RAPGEF5: variants seen among roughly 807,000 people sequenced by gnomAD.
RAPGEF5 encodes the protein Rap guanine nucleotide exchange factor 5, also known as M-Ras-regulated GEF.
RAPGEF5 carries 65 observed loss-of-function variants against 125.2 expected under a neutral mutation model. The observed-to-expected ratio is 0.52, with a 90% CI of 0.43 to 0.64. The LOEUF (loss-of-function observed/expected upper bound fraction) is 0.64, where lower values mean the gene tolerates loss of function less well. RAPGEF5 is among the 30% of genes least tolerant of loss of function. The pLI, the probability that RAPGEF5 is intolerant of heterozygous loss-of-function variation, is 0.00. For missense variants in RAPGEF5, 958 were observed against 1,048.1 expected, an observed-to-expected ratio of 0.91 and a Z score of 1.19; for synonymous variants, 391 against 385.9, an observed-to-expected ratio of 1.01 and a Z score of -0.16.
chr7:22,268,014 G>T (rs554619878), intron 6 of RAPGEF5, among the ~76,000 whole-genome samples: 1 of 152,282 alleles, frequency 6.6e-6, no homozygotes, highest in South Asian at 2.1e-4. Flanking sequence ...GTAGCAATAT[G>T]CTAGACCCTG....
chr7:22,335,827 C>T (rs2128158655), intron 1 of RAPGEF5, among the ~76,000 whole-genome samples: 1 of 152,150 alleles, frequency 6.6e-6, no homozygotes, highest in East Asian at 1.9e-4. Flanking sequence ...ACTTGCACAA[C>T]AGAAACTACT....
At chr7:22,326,441 A>G (rs1478076968) in intron 1 of RAPGEF5, among the ~76,000 whole-genome samples, 2 of 152,226 alleles carry the variant, frequency 1.3e-5, no homozygotes, top group East Asian at 3.9e-4. Flanking sequence ...GAGTTACATA[A>G]TGGCCATCAA....
At chr7:22,263,001 T>C (rs79090113) in intron 7 of RAPGEF5, among the ~76,000 whole-genome samples, 2,598 of 152,282 alleles carry the variant, frequency 0.017, 77 homozygotes, top group African/African-American at 0.059. Context: ...GAAAAAGCTA[T>C]TGATATATCC....
chr7:22,151,827 T>C (rs1184942674), intron 17 of RAPGEF5, among the ~76,000 whole-genome samples: 1 of 152,218 alleles, frequency 6.6e-6, no homozygotes, highest in African/African-American at 2.4e-5. Flanking sequence ...CTGTTTACTT[T>C]GTGTTTCTTA....
chr7:22,266,882 C>T (rs1325620276), intron 7 of RAPGEF5, 82 bp downstream of exon 7: 2 of 1,373,946 alleles, frequency 1.5e-6, no homozygotes, highest in Non-Finnish European at 2.0e-6. Flanking sequence ...CTGAGATACA[C>T]TCAACTGCAC....
At chr7:22,175,407 G>A (rs1000486390) in intron 11 of RAPGEF5, among the ~76,000 whole-genome samples, 5 of 152,164 alleles carry the variant, frequency 3.3e-5, no homozygotes, top group East Asian at 1.9e-4. Flanking sequence ...TCCTCCTAAA[G>A]TTGTAGAGCT....
chr7:22,329,250 A>T (rs889327002), intron 1 of RAPGEF5, among the ~76,000 whole-genome samples: 22 of 152,174 alleles, frequency 1.4e-4, no homozygotes, highest in African/African-American at 5.3e-4. Context: ...AGTAAATCAC[A>T]ACCCTAATTT....
In RAPGEF5 at chr7:22,119,322, T is replaced by G. The variant is rs1782509394; in HGVS notation, c.*3084A>C. 6.6e-6 allele frequency: 1 copy of G among 152,152 alleles called. No homozygotes were observed. Among genetic ancestry groups the G allele is most frequent in the Non-Finnish European group, 1.5e-5 (1 of 68,036 alleles). The allele number at this position is 152,152 out of a possible 1,614,324, so 9.4% of individuals were successfully genotyped here. On this transcript the variant is annotated 3_prime_UTR_variant, in exon 26 of 26. Transcript: ENST00000665637. This position sits in a 1 kb window ranked among gnomAD's most constrained non-coding sequence, Gnocchi z 4.1. The stretch of plus-strand genomic sequence containing the variant: ...ACATGCTTCTAAATTCGGTGTATGC[T>G]CCACACTACCTGTTTGTGGTTCTCG...
chr7:22,317,539 C>T (rs1783628131), intron 2 of RAPGEF5, among the ~76,000 whole-genome samples: 1 of 151,892 alleles, frequency 6.6e-6, no homozygotes. Flanking sequence ...CATGCCCAGC[C>T]AAAAAATGCA....
intron 7 of RAPGEF5, among the ~76,000 whole-genome samples, chr7:22,246,087 C>T (rs769565141): frequency 1.3e-4 from 20 of 152,046 alleles, no homozygotes; most frequent in Non-Finnish European, 2.6e-4. Flanking sequence ...AGATGACACA[C>T]ACACACACAA....
At chr7:22,354,722 C>A (rs138619450) in intron 1 of RAPGEF5, among the ~76,000 whole-genome samples, 1 of 152,034 alleles carries the variant, frequency 6.6e-6, no homozygotes, top group Non-Finnish European at 1.5e-5. Context: ...TCTTCCTCTG[C>A]GTTTACCAAG....
At chr7:22,165,272 AT>A (rs549879878) in intron 12 of RAPGEF5, among the ~76,000 whole-genome samples, 16 of 152,348 alleles carry the variant, frequency 1.1e-4, no homozygotes, top group African/African-American at 3.8e-4. Flanking sequence ...AGGACACTAA[AT>A]TATTAAATGA....
At chr7:22,185,676 T>G (rs1267473175) in intron 11 of RAPGEF5, among the ~76,000 whole-genome samples, 1 of 152,164 alleles carries the variant, frequency 6.6e-6, no homozygotes, top group African/African-American at 2.4e-5. Flanking sequence ...TTTTGGGGAT[T>G]TGTACTGTCA....
At chr7:22,177,588 T>C (rs965507493) in intron 11 of RAPGEF5, among the ~76,000 whole-genome samples, 1 of 152,228 alleles carries the variant, frequency 6.6e-6, no homozygotes, top group African/African-American at 2.4e-5. Context: ...CCAGTGCTAA[T>C]GATAATCACG....
intron 5 of RAPGEF5, among the ~76,000 whole-genome samples, chr7:22,306,475 C>A (rs1783344320): frequency 6.6e-6 from 1 of 152,056 alleles, no homozygotes; most frequent in South Asian, 2.1e-4. Context: ...TAATCCCTTG[C>A]CAGATGGGTA....
At chr7:22,336,979 T>G (rs753937610) in intron 1 of RAPGEF5, among the ~76,000 whole-genome samples, 1 of 152,130 alleles carries the variant, frequency 6.6e-6, no homozygotes, top group African/African-American at 2.4e-5. Context: ...AGAAAACAAG[T>G]GCACAGGCCC....
At chr7:22,260,316 T>TA (rs972045943) in intron 7 of RAPGEF5, among the ~76,000 whole-genome samples, 47 of 152,214 alleles carry the variant, frequency 3.1e-4, no homozygotes, top group Admixed American at 2.0e-3. Context: ...TCCGTTATTG[T>TA]AAAAAACGTA....
chr7:22,248,602 G>C (rs1005203933), intron 7 of RAPGEF5, among the ~76,000 whole-genome samples: 1 of 152,154 alleles, frequency 6.6e-6, no homozygotes, highest in Non-Finnish European at 1.5e-5. Flanking sequence ...CCTAGCCAGA[G>C]ATTATTGATA....
intron 10 of RAPGEF5, 136 bp downstream of exon 10, chr7:22,193,779 T>A (rs535797359): frequency 2.6e-5 from 41 of 1,593,976 alleles, no homozygotes; most frequent in South Asian, 1.3e-4. Context: ...GCTAGAACGC[T>A]GGAGAGGCGG....
Sources: allele counts gnomAD v4.1 joint callset (sites outside exome capture counted in the v4.1 genomes callset), GRCh38; gene constraint gnomAD v4.1.1; non-coding constraint Gnocchi (gnomAD v3.1); transcripts MANE v1.5; gene names NCBI Gene and HGNC (gene_info 2026-07-23, HGNC 2026-07-21).